Variants in DCLK1 observed in about 807,000 individuals in gnomAD.
DCLK1 encodes doublecortin like kinase 1.
In DCLK1, 16 loss-of-function variants were observed where a neutral mutation model predicts 86.2. The ratio of observed to expected loss-of-function variants is 0.19; its 90% CI spans 0.13 to 0.28. The LOEUF is 0.28. Ranked by LOEUF, DCLK1 falls within the 10% of genes least tolerant of loss-of-function variation. The probability of loss-of-function intolerance (pLI) is 1.00; values close to 1 mark genes in which losing one functional copy is unlikely to be tolerated. For synonymous variants in DCLK1, 369 were observed against 370.5 expected, an observed-to-expected ratio of 1.00 and a Z score of 0.05; for missense variants, 590 against 940.2, an observed-to-expected ratio of 0.63 and a Z score of 4.87.
At chr13:35,943,058 T>C (rs759112955) in intron 4 of DCLK1, among the ~76,000 whole-genome samples, 4 of 152,234 alleles carry the variant, frequency 2.6e-5, no homozygotes, top group Admixed American at 1.3e-4. Flanking sequence ...TACCTTTGAA[T>C]GAATCTTATT....
intron 3 of DCLK1, among the ~76,000 whole-genome samples, chr13:35,985,396 A>AAC (rs1566633059): frequency 1.8e-4 from 27 of 152,146 alleles, no homozygotes; most frequent in Middle Eastern, 3.2e-3. Flanking sequence ...ACAAACAAAA[A>AAC]AAAAAAATTG....
chr13:35,803,755 G>A (rs969240578), intron 15 of DCLK1, among the ~76,000 whole-genome samples: 1 of 152,178 alleles, frequency 6.6e-6, no homozygotes, highest in African/African-American at 2.4e-5. Flanking sequence ...TACTCACCAA[G>A]GTGGCAATTC....
intron 4 of DCLK1, among the ~76,000 whole-genome samples, chr13:35,928,725 T>C (rs1876262346): frequency 6.6e-6 from 1 of 152,204 alleles, no homozygotes; most frequent in African/African-American, 2.4e-5. Context: ...TCACTCACTA[T>C]TAGTTGAATC....
chr13:35,868,367 A>G (rs1872009269), intron 5 of DCLK1, among the ~76,000 whole-genome samples: 1 of 152,204 alleles, frequency 6.6e-6, no homozygotes, highest in African/African-American at 2.4e-5. Context: ...AATGACAATA[A>G]AAAGTTAAAA....
chr13:35,827,549 A>G, intron 10 of DCLK1, 86 bp downstream of exon 10: 1 of 1,502,474 alleles, frequency 6.7e-7, no homozygotes, highest in Non-Finnish European at 9.1e-7. Context: ...CTGAATACTG[A>G]TGGGAGAAAA....
At chr13:35,971,352 G>A (rs1192599196) in intron 3 of DCLK1, among the ~76,000 whole-genome samples, 1 of 152,224 alleles carries the variant, frequency 6.6e-6, no homozygotes, top group Non-Finnish European at 1.5e-5. Flanking sequence ...ACACATGCAT[G>A]CTAGTTCCCA....
At position 35,808,244 on chromosome 13, in the gene DCLK1, T is replaced by C. The variant is rs1213755565; in HGVS notation, c.1843A>G (p.Asn615Asp). ...CCTACCTTTGCAGAATCGGAAACAT[T>C]ATCCCAGTATGGAGAAGGAAAGTCC... ...QVDFPSPYWDNVSDSAKELIT... is the reference protein window; with the variant it reads ...QVDFPSPYWDDVSDSAKELIT... The change falls in exon 14 of 17, where the codon AAT (asparagine) becomes GAT (aspartate). Residue 615 changes from asparagine (N) to aspartate (D), a missense_variant. Transcript: ENST00000360631. 33 of 1,613,756 alleles carry C rather than the reference T, an allele frequency of 2.0e-5. No individual in the cohort carries two copies. The highest frequency in any genetic ancestry group is 2.8e-5 in the Non-Finnish European group (33 of 1,179,964).
chr13:36,078,497 C>T (rs1884295753), intron 3 of DCLK1, among the ~76,000 whole-genome samples: 1 of 152,148 alleles, frequency 6.6e-6, no homozygotes, highest in Non-Finnish European at 1.5e-5. Context: ...AAATCTCCCA[C>T]AATTCTTTCA....
chr13:36,099,969 T>G (rs1220197020), intron 3 of DCLK1, among the ~76,000 whole-genome samples: 1 of 151,908 alleles, frequency 6.6e-6, no homozygotes, highest in South Asian at 2.1e-4. Flanking sequence ...AATGGATGTG[T>G]TTTTTTCTCA....
chr13:35,817,186 C>T (rs2087287942), intron 11 of DCLK1, among the ~76,000 whole-genome samples: 1 of 152,154 alleles, frequency 6.6e-6, no homozygotes, highest in African/African-American at 2.4e-5. Flanking sequence ...AGGTGAAAAT[C>T]AATGTCTTCT....
At chr13:36,120,100 A>G (rs966217274) in intron 2 of DCLK1, among the ~76,000 whole-genome samples, 46 of 152,228 alleles carry the variant, frequency 3.0e-4, no homozygotes, top group African/African-American at 1.0e-3. Context: ...GACTTCCATT[A>G]AAATATTTTT....
At chr13:36,051,372 C>T (rs998090154) in intron 3 of DCLK1, among the ~76,000 whole-genome samples, 1 of 152,108 alleles carries the variant, frequency 6.6e-6, no homozygotes, top group Non-Finnish European at 1.5e-5. Context: ...AAAAAGTAGC[C>T]TCATAATCAC....
chr13:35,988,420 A>C (rs746816263), intron 3 of DCLK1, among the ~76,000 whole-genome samples: 1 of 152,180 alleles, frequency 6.6e-6, no homozygotes, highest in Non-Finnish European at 1.5e-5. Flanking sequence ...CAAGAAGGCC[A>C]CCTGGATGAG....
chr13:35,960,892 T>G (rs919834498), intron 3 of DCLK1, among the ~76,000 whole-genome samples: 1 of 152,254 alleles, frequency 6.6e-6, no homozygotes. Context: ...GATGGCCTTC[T>G]CTTACGATGT....
At chr13:35,964,465 C>G (rs1878623373) in intron 3 of DCLK1, among the ~76,000 whole-genome samples, 1 of 152,210 alleles carries the variant, frequency 6.6e-6, no homozygotes, top group Non-Finnish European at 1.5e-5. Context: ...TCCTTTCCTA[C>G]TTGGCAGGCT....
Position 36,112,094 on chromosome 13 carries a change from C to T in DCLK1, c.498G>A (p.Leu166=). 1 of 1,614,136 alleles carries T rather than the reference C, an allele frequency of 6.2e-7. No homozygotes were observed. Among genetic ancestry groups the T allele is most frequent in the Non-Finnish European group, 8.5e-7 (1 of 1,180,012 alleles). ...CTGAAGGGCTTCCTTTGGCAGTGGCCAGTGAAGACACTGCCCGAGAAGCCG... is the reference window on the plus strand; with the variant it reads ...CTGAAGGGCTTCCTTTGGCAGTGGCTAGTGAAGACACTGCCCGAGAAGCCG... ...TTSASRAVSS[L]ATAKGSPSEV... is the part of the protein sequence containing the mutation. The change falls in exon 3 of 17, where the codon CTG becomes CTA. Residue 166 remains leucine, a synonymous_variant. Coordinates refer to ENST00000360631, the MANE Select transcript of DCLK1 (RefSeq NM_001330071.2).
rs1161113208 is a variant in DCLK1, at chr13:36,078,977, A to ATTT, written c.723+32891_723+32892insAAA. On this transcript the variant is annotated intron_variant, in intron 3 of 16. Transcript: ENST00000360631. The stretch of plus-strand genomic sequence containing the variant: ...GGGGATGGTGGACAGATACTCAGAA[A>ATTT]AGGAGCTCTGCAGTCAGGGAGAGAA... 5.0e-3 allele frequency among the ~76,000 whole-genome samples: 760 copies of ATTT among 152,282 alleles called. 8 individuals are homozygous for ATTT. Among genetic ancestry groups the ATTT allele is most frequent in the African/African-American group, 0.018 (734 of 41,552 alleles).
Position 35,871,234 on chromosome 13 carries a change from G to A in DCLK1, c.930C>T (p.Ser310=), listed in dbSNP as rs1872253437. ...CCTCTGCTGCTTTACCTGAGCTGGT[G>A]GAGGCAGGGGACTTGCTACGCCTGG... ...GPSRRSKSPA[S]TSSVNGTPGS... The change falls in exon 5 of 17, where the codon TCC becomes TCT. Residue 310 remains serine, a synonymous_variant. Transcript: ENST00000360631. The A allele has an allele frequency of 6.2e-7, 1 of 1,613,274 alleles. No homozygotes were observed. Among genetic ancestry groups the A allele is most frequent in the Admixed American group, 1.7e-5 (1 of 59,894 alleles).
chr13:36,029,061 C>T (rs1056250923), intron 3 of DCLK1, among the ~76,000 whole-genome samples: 1 of 152,162 alleles, frequency 6.6e-6, no homozygotes, highest in African/African-American at 2.4e-5. Flanking sequence ...ATGCAGTAGC[C>T]ATGCTTTTGT....
Sources: allele counts gnomAD v4.1 joint callset (sites outside exome capture counted in the v4.1 genomes callset), GRCh38; gene constraint gnomAD v4.1.1; transcripts MANE v1.5; gene names NCBI Gene and HGNC (gene_info 2026-07-23, HGNC 2026-07-21).